The following FARS2 variants were observed in gnomAD, a reference collection of about 807,000 sequenced individuals.
FARS2 encodes the protein phenylalanine--tRNA ligase, mitochondrial.
A neutral mutation model predicts 46.4 loss-of-function variants in FARS2; 40 were observed. The observed-to-expected ratio is 0.86, with a 90% confidence interval of 0.67 to 1.12. The LOEUF is 1.12. Ranked by LOEUF, FARS2 falls within the 50% of genes most tolerant of loss-of-function variation. FARS2 has a pLI of 0.00. For synonymous variants in FARS2, 234 were observed against 214.9 expected (o/e 1.09, Z -0.78); for missense variants, 513 against 567.9 (o/e 0.90, Z 0.98).
At chr6:5,427,234 T>C (rs1259901237) in intron 3 of FARS2, among the ~76,000 whole-genome samples, 2 of 152,196 alleles carry the variant, frequency 1.3e-5, no homozygotes, top group African/African-American at 2.4e-5. Flanking sequence ...AAGTGCTGTC[T>C]TTCTCACCGT....
At chr6:5,609,108 T>G (rs1267408353) in intron 5 of FARS2, 4 of 653,454 alleles carry the variant, frequency 6.1e-6, no homozygotes, top group East Asian at 3.0e-5. Context: ...AAATATGTCT[T>G]CTTTGTAGCA....
At chr6:5,737,315 G>A (rs558991087) in intron 6 of FARS2, among the ~76,000 whole-genome samples, 23 of 152,322 alleles carry the variant, frequency 1.5e-4, no homozygotes, top group East Asian at 7.7e-4. Context: ...GGTGGATCAC[G>A]AGGTCAGGAG....
chr6:5,374,796 T>C (rs540221765), intron 2 of FARS2, among the ~76,000 whole-genome samples: 6 of 152,176 alleles, frequency 3.9e-5, no homozygotes, highest in African/African-American at 1.4e-4. Flanking sequence ...TTAACTGATA[T>C]AAGGAGAAAA....
chr6:5,365,265 A>T (rs1327720088), intron 1 of FARS2, among the ~76,000 whole-genome samples: 1 of 149,136 alleles, frequency 6.7e-6, no homozygotes, highest in Non-Finnish European at 1.5e-5. Flanking sequence ...GTCCTTGCAG[A>T]GATACCATTT....
chr6:5,504,437 T>A (rs1413485884), intron 4 of FARS2, among the ~76,000 whole-genome samples: 7 of 126,430 alleles, frequency 5.5e-5, no homozygotes, highest in East Asian at 2.4e-4. Flanking sequence ...TGCTTTCCAG[T>A]AAAAAAAAAA....
At chr6:5,723,920 A>G (rs1051276918) in intron 6 of FARS2, among the ~76,000 whole-genome samples, 3 of 152,156 alleles carry the variant, frequency 2.0e-5, no homozygotes, top group Non-Finnish European at 4.4e-5. Context: ...GGGCCCAGCT[A>G]GTAACAGGCA....
intron 6 of FARS2, among the ~76,000 whole-genome samples, chr6:5,728,164 G>A (rs1052210549): frequency 1.3e-5 from 2 of 152,192 alleles, no homozygotes; most frequent in Admixed American, 1.3e-4. Context: ...CAGGGTTTCC[G>A]ATCACAGGGA....
At chr6:5,700,587 G>A (rs1343756720) in intron 6 of FARS2, among the ~76,000 whole-genome samples, 3 of 151,994 alleles carry the variant, frequency 2.0e-5, no homozygotes, top group East Asian at 3.9e-4. Context: ...TAGTAGAGAC[G>A]GGGTTTCACC....
intron 5 of FARS2, among the ~76,000 whole-genome samples, chr6:5,598,124 T>C (rs2150624836): frequency 6.6e-6 from 1 of 152,276 alleles, no homozygotes; most frequent in African/African-American, 2.4e-5. Flanking sequence ...AGGAGGCTCA[T>C]GCCTGTAATC....
intron 6 of FARS2, among the ~76,000 whole-genome samples, chr6:5,650,938 T>A (rs548992163): frequency 6.6e-6 from 1 of 152,342 alleles, no homozygotes; most frequent in African/African-American, 2.4e-5. Flanking sequence ...CTTCCACCAA[T>A]TATTCACCCT....
chr6:5,477,346 A>G (rs1209051062), intron 4 of FARS2, among the ~76,000 whole-genome samples: 7 of 152,108 alleles, frequency 4.6e-5, no homozygotes, highest in Admixed American at 4.6e-4. Context: ...CTATCTCATT[A>G]CCCTAGCTTA....
At chr6:5,464,738 A>G (rs956632972) in intron 4 of FARS2, among the ~76,000 whole-genome samples, 9 of 152,230 alleles carry the variant, frequency 5.9e-5, no homozygotes, top group African/African-American at 2.2e-4. Context: ...TTTATAATAC[A>G]TGAAAATTTT....
intron 5 of FARS2, among the ~76,000 whole-genome samples, chr6:5,570,831 C>T (rs1772601539): frequency 1.3e-5 from 2 of 152,146 alleles, no homozygotes; most frequent in African/African-American, 2.4e-5. Context: ...CAGCTGTGCA[C>T]GCATTTCCAG....
At chr6:5,450,490 C>T (rs758502098) in intron 4 of FARS2, among the ~76,000 whole-genome samples, 12 of 151,846 alleles carry the variant, frequency 7.9e-5, no homozygotes, top group African/African-American at 2.9e-4. Flanking sequence ...GTGTGAAGGT[C>T]GCGGTGGCCA....
chr6:5,274,242 C>T (rs1766171162), intron 1 of FARS2, among the ~76,000 whole-genome samples: 1 of 152,190 alleles, frequency 6.6e-6, no homozygotes, highest in South Asian at 2.1e-4. Flanking sequence ...TCTTCCCGGC[C>T]ATTAGAACCC....
At chr6:5,502,285 T>C (rs771972180) in intron 4 of FARS2, among the ~76,000 whole-genome samples, 2 of 152,268 alleles carry the variant, frequency 1.3e-5, no homozygotes, top group Non-Finnish European at 2.9e-5. Flanking sequence ...TTAGCCATTA[T>C]GTGTTAGAAC....
At chr6:5,548,050 T>C (rs1041082021) in intron 5 of FARS2, among the ~76,000 whole-genome samples, 6 of 152,212 alleles carry the variant, frequency 3.9e-5, no homozygotes, top group Non-Finnish European at 4.4e-5. Flanking sequence ...GAAAGGCACT[T>C]CTTACATGGC....
intron 1 of FARS2, among the ~76,000 whole-genome samples, chr6:5,282,779 A>G (rs1257786346): frequency 6.6e-6 from 1 of 152,218 alleles, no homozygotes; most frequent in Non-Finnish European, 1.5e-5. Flanking sequence ...GGCTGTTTTA[A>G]TTCTCCAGGA....
chr6:5,644,172 C>T (rs1776960006), intron 6 of FARS2, among the ~76,000 whole-genome samples: 1 of 152,084 alleles, frequency 6.6e-6, no homozygotes, highest in Non-Finnish European at 1.5e-5. Flanking sequence ...GTTTCCTTCC[C>T]TTCTTGGAGA....
Sources: allele counts gnomAD v4.1 joint callset (sites outside exome capture counted in the v4.1 genomes callset), GRCh38; gene constraint gnomAD v4.1.1; transcripts MANE v1.5; gene names NCBI Gene and HGNC (gene_info 2026-07-23, HGNC 2026-07-21).